Variants in NKAIN3 observed in about 807,000 individuals in gnomAD.
NKAIN3 encodes the protein sodium/potassium transporting ATPase interacting 3.
NKAIN3 carries 25 observed loss-of-function variants against 30.2 expected under a neutral mutation model. The ratio of observed to expected loss-of-function variants is 0.83; its 90% CI spans 0.60 to 1.16. NKAIN3 has a LOEUF of 1.16. Among genes scored for constraint, NKAIN3 ranks in the 50% most tolerant of loss-of-function variants. NKAIN3 has a pLI of 0.00. For missense variants in NKAIN3, 225 were observed against 254.1 expected (o/e 0.89, Z 0.78); for synonymous variants, 91 against 89.6 (o/e 1.02, Z -0.09).
At chr8:62,541,903 T>C (rs1156273357) in intron 1 of NKAIN3, among the ~76,000 whole-genome samples, 1 of 152,184 alleles carries the variant, frequency 6.6e-6, no homozygotes, top group Non-Finnish European at 1.5e-5. Context: ...AAAATGTCTT[T>C]TATGTTAAAG....
At chr8:62,932,943 G>A (rs995167938) in intron 5 of NKAIN3, among the ~76,000 whole-genome samples, 1 of 150,142 alleles carries the variant, frequency 6.7e-6, no homozygotes, top group African/African-American at 2.5e-5. Context: ...AGCCATCTCC[G>A]AGGAAGAAAT....
At chr8:62,619,473 T>C (rs1811558566) in intron 3 of NKAIN3, among the ~76,000 whole-genome samples, 1 of 152,178 alleles carries the variant, frequency 6.6e-6, no homozygotes, top group Admixed American at 6.5e-5. Flanking sequence ...AATTGTTAAA[T>C]CTACCTACAA....
chr8:62,517,494 C>T (rs1361759688), intron 1 of NKAIN3, among the ~76,000 whole-genome samples: 2 of 151,950 alleles, frequency 1.3e-5, no homozygotes, highest in African/African-American at 2.4e-5. Flanking sequence ...AAGAGAATAC[C>T]GTATGATTTT....
At chr8:62,275,784 T>G (rs1812932346) in intron 1 of NKAIN3, among the ~76,000 whole-genome samples, 1 of 152,220 alleles carries the variant, frequency 6.6e-6, no homozygotes, top group Admixed American at 6.5e-5. Flanking sequence ...ATGTGAGTCT[T>G]TAAATTATTT....
intron 3 of NKAIN3, among the ~76,000 whole-genome samples, chr8:62,617,073 A>G (rs1467130255): frequency 9.1e-6 from 1 of 109,494 alleles, no homozygotes; most frequent in Non-Finnish European, 1.6e-5. Context: ...CATGTGATGC[A>G]CCTGCTCCAC....
intron 1 of NKAIN3, among the ~76,000 whole-genome samples, chr8:62,522,719 A>G (rs1808195559): frequency 6.6e-6 from 1 of 151,852 alleles, no homozygotes; most frequent in Admixed American, 6.6e-5. Flanking sequence ...TTAAAATAGA[A>G]AAAGCTTATA....
At chr8:62,778,002 C>A (rs1160591926) in intron 4 of NKAIN3, among the ~76,000 whole-genome samples, 4 of 152,076 alleles carry the variant, frequency 2.6e-5, no homozygotes, top group Admixed American at 2.0e-4. Flanking sequence ...CAGAAAAATT[C>A]TCTAGATTAT....
At chr8:62,376,832 A>G (rs1317257157) in intron 1 of NKAIN3, among the ~76,000 whole-genome samples, 1 of 152,170 alleles carries the variant, frequency 6.6e-6, no homozygotes, top group East Asian at 1.9e-4. Context: ...ACTTTTCTCT[A>G]GATATTGGTA....
chr8:62,714,766 G>A (rs984127162), intron 3 of NKAIN3, among the ~76,000 whole-genome samples: 1 of 152,108 alleles, frequency 6.6e-6, no homozygotes, highest in South Asian at 2.1e-4. Context: ...AAATCACAGG[G>A]CCAAAATTCA....
intron 3 of NKAIN3, among the ~76,000 whole-genome samples, chr8:62,687,523 T>C (rs1813837389): frequency 6.6e-6 from 1 of 152,208 alleles, no homozygotes; most frequent in African/African-American, 2.4e-5. Flanking sequence ...TGGGTCCTTC[T>C]ATCTACTCAG....
At chr8:62,863,721 C>T in intron 4 of NKAIN3, 1 of 1,575,894 alleles carries the variant, frequency 6.3e-7, no homozygotes, top group Non-Finnish European at 8.7e-7. Flanking sequence ...GCACTTTTTA[C>T]AACTTTCATT....
intron 1 of NKAIN3, among the ~76,000 whole-genome samples, chr8:62,306,536 T>TTGTGTGTGTGTGTG (rs10552182): frequency 1.5e-4 from 21 of 136,066 alleles, no homozygotes; most frequent in Middle Eastern, 3.5e-3. Context: ...TTTGAAGGCT[T>TTGTGTGTGTGTGTG]TGTGTGTGTG....
intron 4 of NKAIN3, among the ~76,000 whole-genome samples, chr8:62,786,898 G>T (rs961859898): frequency 6.6e-6 from 1 of 152,114 alleles, no homozygotes; most frequent in Non-Finnish European, 1.5e-5. Flanking sequence ...GAGGACAATT[G>T]TAAGCATATG....
At chr8:62,832,254 AACAGAC>A (rs1819218406) in intron 4 of NKAIN3, among the ~76,000 whole-genome samples, 2 of 121,266 alleles carry the variant, frequency 1.6e-5, no homozygotes, top group Admixed American at 9.4e-5. Context: ...GGTATGACCA[AACAGAC>A]ACACACACAC....
chr8:62,477,392 C>T (rs894892066), intron 1 of NKAIN3, among the ~76,000 whole-genome samples: 2 of 152,166 alleles, frequency 1.3e-5, no homozygotes, highest in African/African-American at 4.8e-5. Context: ...GTACTGTAGG[C>T]TTTCCCTGTG....
At chr8:62,654,123 G>A (rs530039398) in intron 3 of NKAIN3, among the ~76,000 whole-genome samples, 151 of 151,152 alleles carry the variant, frequency 1.0e-3, no homozygotes, top group African/African-American at 3.2e-3. Flanking sequence ...AGAAATAAGA[G>A]AATATTTTGT....
intron 1 of NKAIN3, among the ~76,000 whole-genome samples, chr8:62,431,834 C>A: frequency 7.1e-6 from 1 of 141,196 alleles, no homozygotes; most frequent in South Asian, 2.2e-4. Flanking sequence ...GAGATGCTCT[C>A]AGGAGAACTG....
chr8:62,929,042 C>T (rs1822535832), intron 5 of NKAIN3, among the ~76,000 whole-genome samples: 1 of 152,156 alleles, frequency 6.6e-6, no homozygotes, highest in South Asian at 2.1e-4. Context: ...GACATGTAGG[C>T]TAACACCTGA....
chr8:62,286,713 AG>A (rs1813390731), intron 1 of NKAIN3, among the ~76,000 whole-genome samples: 1 of 152,092 alleles, frequency 6.6e-6, no homozygotes, highest in African/African-American at 2.4e-5. Flanking sequence ...GAAGAGGCAA[AG>A]GTGACCTTCA....
Sources: gnomAD v4.1 joint callset for allele counts (sites outside exome capture counted in the v4.1 genomes callset) on GRCh38, gnomAD v4.1.1 for gene constraint, MANE v1.5 for transcripts, NCBI Gene and HGNC (gene_info 2026-07-23, HGNC 2026-07-21) for gene names.